SENP6: variants seen among roughly 807,000 people sequenced by gnomAD.
SENP6 encodes the protein SUMO specific peptidase 6.
In SENP6, 41 loss-of-function variants were observed where a neutral mutation model predicts 134.5. The observed-to-expected ratio is 0.30, with a 90% CI of 0.24 to 0.40. SENP6 has a LOEUF of 0.40. Ranked by LOEUF, SENP6 falls within the 10% of genes least tolerant of loss-of-function variation. SENP6 has a pLI of 1.00. For missense variants in SENP6, 1,248 were observed against 1,312.5 expected, an observed-to-expected ratio of 0.95 and a Z score of 0.76; for synonymous variants, 395 against 429.8, an observed-to-expected ratio of 0.92 and a Z score of 1.00.
chr6:75,610,719 C>T (rs1194496163), intron 1 of SENP6, among the ~76,000 whole-genome samples: 1 of 152,178 alleles, frequency 6.6e-6, no homozygotes, highest in Non-Finnish European at 1.5e-5. Context: ...ACAACAGCTA[C>T]CTTGAAGCCA....
chr6:75,684,802 G>T (rs1454686099), intron 16 of SENP6, among the ~76,000 whole-genome samples: 1 of 152,210 alleles, frequency 6.6e-6, no homozygotes, highest in Non-Finnish European at 1.5e-5. Context: ...TCGTTTGCCA[G>T]TGTTTTATTG....
chr6:75,645,397 C>T (rs2149847114), intron 6 of SENP6, among the ~76,000 whole-genome samples: 1 of 152,318 alleles, frequency 6.6e-6, no homozygotes, highest in South Asian at 2.1e-4. Flanking sequence ...AGGCAGATCA[C>T]TTGAGGCCAG....
At position 75,703,007 on chromosome 6, in the gene SENP6, T is replaced by G. The variant is rs757864232; in HGVS notation, c.2651T>G (p.Val884Gly). ...FNKGESTSQK[V>G]ADRTKSENGL... ...AAAGGAGAATCTACATCCCAGAAAG[T>G]TGCTGATAGGACTAAAAGTGAGAAT... The change falls in exon 19 of 24, where the codon GTT (valine) becomes GGT (glycine). Residue 884 changes from valine to glycine, a missense_variant. Around this residue, in one of 3 missense-constraint regions of SENP6, gnomAD observed 386 missense variants for 395.0 expected, o/e 0.98. Transcript: ENST00000447266. The G allele has an allele frequency of 8.7e-6, 14 of 1,613,886 alleles. No homozygotes were observed. Among genetic ancestry groups the G allele is most frequent in the Non-Finnish European group, 1.2e-5 (14 of 1,179,920 alleles).
intron 16 of SENP6, among the ~76,000 whole-genome samples, chr6:75,685,979 A>AATG (rs1048492229): frequency 1.3e-4 from 20 of 152,170 alleles, no homozygotes; most frequent in Non-Finnish European, 2.2e-4. Context: ...TGATCTGTCT[A>AATG]ATGTTGACAG....
intron 23 of SENP6, 58 bp downstream of exon 23, chr6:75,713,883 T>C (rs1325115168): frequency 1.6e-6 from 2 of 1,265,634 alleles, no homozygotes; most frequent in Admixed American, 4.9e-5. Flanking sequence ...CATTTGACTT[T>C]ACCTTAGTAA....
chr6:75,683,706 T>G (rs2149884475), intron 16 of SENP6, among the ~76,000 whole-genome samples: 1 of 152,334 alleles, frequency 6.6e-6, no homozygotes, highest in South Asian at 2.1e-4. Flanking sequence ...CAGATGGTTG[T>G]AGATGTGTGG....
chr6:75,692,289 T>C (rs1046369547), intron 16 of SENP6, among the ~76,000 whole-genome samples: 4 of 152,148 alleles, frequency 2.6e-5, no homozygotes, highest in Non-Finnish European at 5.9e-5. Flanking sequence ...AGAAATCTTA[T>C]GGGTGCATAT....
At chr6:75,682,417 TAATTA>T (rs1773529027) in intron 16 of SENP6, among the ~76,000 whole-genome samples, 1 of 151,914 alleles carries the variant, frequency 6.6e-6, no homozygotes, top group Non-Finnish European at 1.5e-5. Context: ...TTTTTTTTTT[TAATTA>T]TACTTTAAGA....
chr6:75,638,616 A>AT (rs1769765065), intron 5 of SENP6, among the ~76,000 whole-genome samples: 1 of 35,776 alleles, frequency 2.8e-5, no homozygotes, highest in African/African-American at 1.2e-4. Context: ...ATATATATAT[A>AT]TATATATTTT....
Position 75,670,706 on chromosome 6 carries a change from A to G in SENP6, c.1378A>G (p.Ile460Val), listed in dbSNP as rs758306714. The change falls in exon 11 of 24, where the codon ATA becomes GTA. Residue 460 changes from isoleucine (I) to valine (V), a missense_variant. This residue lies in a region of SENP6 where 733 missense variants were observed against 725.4 expected (regional missense o/e 1.01). Transcript: ENST00000447266. ...IRVGTLFRLL[I>V]EPVIFCLDFI... ...AGTAGGAACACTCTTCCGGCTGTTA[A>G]TAGAGCCTGTAATTGTAAGTACATC... The G allele has an allele frequency of 1.1e-5, 18 of 1,607,246 alleles. No individual in the cohort carries two copies. The highest frequency in any genetic ancestry group is 1.5e-5 in the Non-Finnish European group (18 of 1,175,914).
chr6:75,711,347 G>A lies in SENP6; in HGVS notation c.2840G>A (p.Gly947Glu). 6.2e-7 allele frequency: 1 copy of A among 1,613,076 alleles called. No individual in the cohort carries two copies. The highest frequency in any genetic ancestry group is 2.2e-5 in the East Asian group (1 of 44,858). ...QDNQDDSSDD[G>E]FLADDNCSSE... is the part of the protein sequence containing the mutation. ...TTATAGGATGATAGCAGTGACGATG[G>A]ATTCCTCGCTGATGACAACTGCAGT... is the stretch of plus-strand genomic sequence containing the variant. Residue 947 changes from glycine to glutamate, a missense_variant, in exon 21 of 24, where the codon GGA (glycine) becomes GAA (glutamate). Physicochemically the swap from Gly to Glu is moderately conservative, Grantham distance 98. This residue lies in a region of SENP6 where 386 missense variants were observed against 395.0 expected (regional missense o/e 0.98). Coordinates refer to ENST00000447266, the MANE Select transcript of SENP6 (RefSeq NM_015571.4).
chr6:75,653,962 A>G (rs1771113959), intron 7 of SENP6, among the ~76,000 whole-genome samples: 1 of 152,128 alleles, frequency 6.6e-6, no homozygotes, highest in Non-Finnish European at 1.5e-5. Context: ...GGTGGCTCAC[A>G]CCTGTAATCC....
chr6:75,690,849 C>T (rs1562054868), intron 16 of SENP6, among the ~76,000 whole-genome samples: 3 of 151,792 alleles, frequency 2.0e-5, no homozygotes, highest in Non-Finnish European at 1.5e-5. Context: ...GCGCTCACCA[C>T]CACACCTGGC....
intron 3 of SENP6, among the ~76,000 whole-genome samples, chr6:75,624,208 T>C (rs189469846): frequency 3.5e-4 from 54 of 152,246 alleles, no homozygotes; most frequent in Middle Eastern, 3.4e-3. Flanking sequence ...GATCTTCCTT[T>C]AACTTAATAT....
chr6:75,688,147 T>A (rs1474792131), intron 16 of SENP6, among the ~76,000 whole-genome samples: 1 of 152,220 alleles, frequency 6.6e-6, no homozygotes, highest in Non-Finnish European at 1.5e-5. Context: ...CAGATGGATC[T>A]CAGACCGCTG....
chr6:75,703,046 A>G lies in SENP6; in HGVS notation c.2690A>G (p.Glu897Gly), dbSNP rs149140428. 6.2e-7 allele frequency: 1 copy of G among 1,609,716 alleles called. No homozygotes were observed. The highest frequency in any genetic ancestry group is 8.5e-7 in the Non-Finnish European group (1 of 1,178,504). ...AAAAGTGAGAATGGCCTACAGAATG[A>G]AAGTTTAAGTTCCACACATCATACA... ...RTKSENGLQN[E>G]SLSSTHHTDG... Residue 897 changes from glutamate to glycine, a missense_variant, in exon 19 of 24, where the codon GAA (glutamate) becomes GGA (glycine). Around this residue, in one of 3 missense-constraint regions of SENP6, gnomAD observed 386 missense variants for 395.0 expected, o/e 0.98. Transcript: ENST00000447266.
chr6:75,682,527 G>A (rs1773536792), intron 16 of SENP6, among the ~76,000 whole-genome samples: 2 of 151,748 alleles, frequency 1.3e-5, no homozygotes, highest in Admixed American at 1.3e-4. Flanking sequence ...TTTATATTAG[G>A]TATTTCTCCT....
At chr6:75,618,528 C>T (rs1768022013) in intron 1 of SENP6, among the ~76,000 whole-genome samples, 1 of 152,158 alleles carries the variant, frequency 6.6e-6, no homozygotes, top group African/African-American at 2.4e-5. Flanking sequence ...GTCATTTCTT[C>T]TAGGAACCCT....
chr6:75,628,209 G>T (rs1768846790), intron 3 of SENP6, among the ~76,000 whole-genome samples: 1 of 151,932 alleles, frequency 6.6e-6, no homozygotes, highest in Non-Finnish European at 1.5e-5. Flanking sequence ...CTTCTGTTCA[G>T]TTTTCCCATA....
Sources: allele counts gnomAD v4.1 joint callset (sites outside exome capture counted in the v4.1 genomes callset), GRCh38; gene constraint gnomAD v4.1.1; regional missense constraint gnomAD v4.1.1; transcripts MANE v1.5; gene names NCBI Gene and HGNC (gene_info 2026-07-23, HGNC 2026-07-21).